Variants in PTPDC1 observed in about 807,000 individuals in gnomAD.
The protein encoded by PTPDC1 is protein tyrosine phosphatase domain-containing protein 1.
A neutral mutation model predicts 75.3 loss-of-function variants in PTPDC1; 53 were observed. The observed-to-expected ratio is 0.70, with a 90% CI of 0.56 to 0.88. The LOEUF (loss-of-function observed/expected upper bound fraction) is 0.88, where lower values mean the gene tolerates loss of function less well. PTPDC1 is among the 40% of genes least tolerant of loss of function. The pLI, the probability that PTPDC1 is intolerant of heterozygous loss-of-function variation, is 0.00. For missense variants in PTPDC1, 925 were observed against 998.6 expected, an observed-to-expected ratio of 0.93 and a Z score of 0.99; for synonymous variants, 349 against 366.2, an observed-to-expected ratio of 0.95 and a Z score of 0.54.
chr9:94,042,373 A>G (rs1825450518), intron 1 of PTPDC1, among the ~76,000 whole-genome samples: 1 of 152,130 alleles, frequency 6.6e-6, no homozygotes, highest in African/African-American at 2.4e-5. Flanking sequence ...TGCCTCAGAG[A>G]TATTGCAGGT....
chr9:94,045,723 C>T (rs1265099719), intron 1 of PTPDC1, among the ~76,000 whole-genome samples: 3 of 152,084 alleles, frequency 2.0e-5, no homozygotes, highest in Non-Finnish European at 2.9e-5. Context: ...TGTTTGAGTT[C>T]ATTGTAGATT....
chr9:94,061,133 G>A (rs540502088), intron 1 of PTPDC1, among the ~76,000 whole-genome samples: 28 of 152,260 alleles, frequency 1.8e-4, no homozygotes, highest in East Asian at 1.3e-3. Context: ...CTCCCATTCC[G>A]AAAAGGAGAA....
At chr9:94,054,708 C>G (rs958065359) in intron 1 of PTPDC1, among the ~76,000 whole-genome samples, 68 of 152,300 alleles carry the variant, frequency 4.5e-4, no homozygotes, top group African/African-American at 1.4e-3. Context: ...ACACTAGACT[C>G]TAATAGACCA....
At chr9:94,054,561 C>A (rs914295) in intron 1 of PTPDC1, among the ~76,000 whole-genome samples, 83,232 of 151,924 alleles carry the variant, frequency 0.55, 23,135 homozygotes, top group Admixed American at 0.68. Context: ...AAAGGGGCCA[C>A]GTTCCTGATA....
In PTPDC1 at chr9:94,098,377, A is replaced by G; in HGVS notation, c.1811A>G (p.Asp604Gly). The G allele has an allele frequency of 1.2e-6, 2 of 1,614,204 alleles. No individual in the cohort carries two copies. The highest frequency in any genetic ancestry group is 1.7e-6 in the Non-Finnish European group (2 of 1,180,038). The part of the protein sequence containing the change: ...QNSRTPRSPL[D>G]CGSSPKAQFL... ...AGCAGGACACCCCGAAGCCCTCTGG[A>G]CTGTGGCTCCAGTCCCAAAGCACAG... The change falls in exon 6 of 9, where the codon GAC (aspartate) becomes GGC (glycine). Residue 604 changes from aspartate (D) to glycine (G), a missense_variant. Coordinates refer to ENST00000620992, the MANE Select transcript of PTPDC1 (RefSeq NM_001253829.2).
intron 2 of PTPDC1, among the ~76,000 whole-genome samples, chr9:94,071,623 A>G (rs76507321): frequency 0.045 from 6,865 of 152,246 alleles, 532 homozygotes; most frequent in African/African-American, 0.16. Context: ...TCACTGATCT[A>G]TATATCTGTC....
chr9:94,044,517 G>A (rs553037253), intron 1 of PTPDC1, among the ~76,000 whole-genome samples: 9 of 151,964 alleles, frequency 5.9e-5, no homozygotes, highest in Non-Finnish European at 7.4e-5. Context: ...TTTTCTCATC[G>A]TTCAGTTCCC....
chr9:94,088,504 T>C (rs1159922944), intron 4 of PTPDC1, among the ~76,000 whole-genome samples: 1 of 152,230 alleles, frequency 6.6e-6, no homozygotes, highest in African/African-American at 2.4e-5. Flanking sequence ...ATTTAGTTAA[T>C]GCTTACAGTG....
At chr9:94,095,534 T>G in intron 5 of PTPDC1, 80 bp downstream of exon 5, 3 of 1,178,212 alleles carry the variant, frequency 2.5e-6, no homozygotes, top group Non-Finnish European at 3.6e-6. Flanking sequence ...TGAGGGTAAA[T>G]GTTTCTCAGA....
Position 94,074,169 on chromosome 9 carries a change from G to A in PTPDC1, c.82+9348G>A, listed in dbSNP as rs116589239. ...CCTTTTCTTTCTCGCTTGTCAGGCA[G>A]TGTTCTTCTTGAAGCATTAGCCAGG... On this transcript the variant is annotated intron_variant, in intron 2 of 9. Coordinates refer to the PTPDC1 transcript ENST00000375360. Among the ~76,000 whole-genome samples the A allele has an allele frequency of 4.0e-3, 613 of 152,272 alleles. 4 individuals carry two copies. Among genetic ancestry groups the A allele is most frequent in the African/African-American group, 0.014 (572 of 41,552 alleles).
chr9:94,039,934 A>G (rs760328303), intron 1 of PTPDC1, among the ~76,000 whole-genome samples: 21 of 152,152 alleles, frequency 1.4e-4, no homozygotes, highest in Non-Finnish European at 2.5e-4. Flanking sequence ...AATTTTGACA[A>G]ATTTTACTTA....
At chr9:94,046,390 C>T (rs1005062904) in intron 1 of PTPDC1, among the ~76,000 whole-genome samples, 53 of 152,082 alleles carry the variant, frequency 3.5e-4, no homozygotes, top group African/African-American at 9.9e-4. Flanking sequence ...AGAAAGTCAT[C>T]GGTAGCTTGA....
intron 1 of PTPDC1, among the ~76,000 whole-genome samples, chr9:94,063,139 C>T (rs1444341766): frequency 2.0e-5 from 3 of 152,206 alleles, no homozygotes; most frequent in Non-Finnish European, 4.4e-5. Flanking sequence ...CTGTCACTCT[C>T]CATGCTGTAT....
At chr9:94,097,155 C>G (rs1415072142) in intron 5 of PTPDC1, among the ~76,000 whole-genome samples, 166 bp from the exon 6 acceptor site, 1 of 152,102 alleles carries the variant, frequency 6.6e-6, no homozygotes, top group Non-Finnish European at 1.5e-5. Flanking sequence ...AAAATAACAC[C>G]TCTACAAAAA....
chr9:94,051,207 G>A (rs901306513), intron 1 of PTPDC1, among the ~76,000 whole-genome samples: 1 of 152,134 alleles, frequency 6.6e-6, no homozygotes, highest in African/African-American at 2.4e-5. Context: ...TGGGTGCGCT[G>A]CACCCACTGT....
Position 94,098,386 on chromosome 9 carries a change from C to G in PTPDC1, c.1820C>G (p.Ser607Cys). Residue 607 changes from serine (S) to cysteine (C), a missense_variant, in exon 6 of 9, where the codon TCC (serine) becomes TGC (cysteine). Coordinates refer to ENST00000620992, the MANE Select transcript of PTPDC1 (RefSeq NM_001253829.2). ...RTPRSPLDCG[S>C]SPKAQFLVEH... ...CCCCGAAGCCCTCTGGACTGTGGCT[C>G]CAGTCCCAAAGCACAGTTCTTGGTT... 6.2e-7 allele frequency: 1 copy of G among 1,614,164 alleles called. No individual in the cohort carries two copies. The highest frequency in any genetic ancestry group is 8.5e-7 in the Non-Finnish European group (1 of 1,180,008).
At chr9:94,096,177 C>T (rs889697542) in intron 5 of PTPDC1, among the ~76,000 whole-genome samples, 3 of 152,202 alleles carry the variant, frequency 2.0e-5, no homozygotes, top group Admixed American at 1.3e-4. Context: ...GTCATCTGAT[C>T]CAACCACATG....
Position 94,098,397 on chromosome 9 carries a change from G to A in PTPDC1, c.1831G>A (p.Ala611Thr), listed in dbSNP as rs574836500. 100 of 1,614,180 alleles carry A rather than the reference G, an allele frequency of 6.2e-5. 2 individuals are homozygous for A. In the South Asian group the frequency reaches 1.1e-3, roughly 17 times the overall value. Residue 611 changes from alanine to threonine, a missense_variant, in exon 6 of 9, where the codon GCA becomes ACA. Coordinates refer to ENST00000620992, the MANE Select transcript of PTPDC1 (RefSeq NM_001253829.2). Reference protein sequence around the residue: ...SPLDCGSSPKAQFLVEHETQD... With the variant: ...SPLDCGSSPKTQFLVEHETQD... Reference sequence around the variant, plus strand: ...TCTGGACTGTGGCTCCAGTCCCAAAGCACAGTTCTTGGTTGAACATGAAAC... The same window carrying A: ...TCTGGACTGTGGCTCCAGTCCCAAAACACAGTTCTTGGTTGAACATGAAAC...
intron 1 of PTPDC1, among the ~76,000 whole-genome samples, chr9:94,056,333 T>TA (rs1374893066): frequency 6.7e-6 from 1 of 149,712 alleles, no homozygotes; most frequent in African/African-American, 2.4e-5. Flanking sequence ...TTTTGCTACG[T>TA]AAGCTTAAGT....
Sources: gnomAD v4.1 joint callset for allele counts (sites outside exome capture counted in the v4.1 genomes callset) on GRCh38, gnomAD v4.1.1 for gene constraint, MANE v1.5 for transcripts, NCBI Gene and HGNC (gene_info 2026-07-23, HGNC 2026-07-21) for gene names.